The following MYLIP variants were observed in gnomAD, a reference collection of about 807,000 sequenced individuals.
MYLIP encodes the protein E3 ubiquitin-protein ligase MYLIP.
A neutral mutation model predicts 45.8 loss-of-function variants in MYLIP; 26 were observed. That is an observed-to-expected ratio of 0.57 (90% confidence interval 0.42 to 0.79). The LOEUF (loss-of-function observed/expected upper bound fraction) is 0.79. Ranked by LOEUF, MYLIP falls within the 30% of genes least tolerant of loss-of-function variation. The pLI is 0.00. For missense variants in MYLIP, 494 were observed against 555.6 expected (o/e 0.89, Z 1.11); for synonymous variants, 213 against 218.1 (o/e 0.98, Z 0.21).
At chr6:16,132,397 T>G (rs1248032921) in intron 2 of MYLIP, among the ~76,000 whole-genome samples, 2 of 152,186 alleles carry the variant, frequency 1.3e-5, no homozygotes, top group Admixed American at 6.5e-5. Context: ...CCTGTCTTGG[T>G]CTCTCCTTTA....
At chr6:16,139,343 G>A (rs887844552) in intron 2 of MYLIP, among the ~76,000 whole-genome samples, 39 of 150,756 alleles carry the variant, frequency 2.6e-4, no homozygotes, top group African/African-American at 8.5e-4. Context: ...AGCCCAGATC[G>A]TGCCATAGCA....
At chr6:16,134,587 T>C (rs954361916) in intron 2 of MYLIP, among the ~76,000 whole-genome samples, 5 of 152,220 alleles carry the variant, frequency 3.3e-5, no homozygotes, top group South Asian at 2.1e-4. Context: ...AGTTATAGCA[T>C]CACTTTAACT....
chr6:16,144,627 C>T (rs183311610), intron 5 of MYLIP, among the ~76,000 whole-genome samples: 4 of 152,246 alleles, frequency 2.6e-5, no homozygotes, highest in Non-Finnish European at 4.4e-5. Context: ...AGCAACTTCA[C>T]TCAGTAGCGT....
chr6:16,150,708 G>A (rs560421218), downstream of MYLIP, among the ~76,000 whole-genome samples: 5 of 152,324 alleles, frequency 3.3e-5, no homozygotes, highest in South Asian at 1.0e-3. Context: ...GAACACTGGA[G>A]AAACTGAAGA....
Position 16,129,768 on chromosome 6 carries a change from G to GC in MYLIP, c.87+360dup, listed in dbSNP as rs1354773554. 6.6e-6 allele frequency among the ~76,000 whole-genome samples: 1 copy of GC among 152,236 alleles called. No homozygotes were observed. The highest frequency in any genetic ancestry group is 2.4e-5 in the African/African-American group (1 of 41,472). ...GCGTGATGCCGCCTGTCGGGTCCCCGCGGCGCCTGGCAGTGCCACCCGCGT... is the reference window on the plus strand; with the variant it reads ...GCGTGATGCCGCCTGTCGGGTCCCCGCCGGCGCCTGGCAGTGCCACCCGCGT... On this transcript the variant is annotated intron_variant, in intron 1 of 6. Coordinates refer to ENST00000356840, the MANE Select transcript of MYLIP (RefSeq NM_013262.4). The surrounding 1 kb of genome is among the most constrained non-coding windows in gnomAD (Gnocchi z 5.1).
At chr6:16,151,058 T>C (rs193106839), downstream of MYLIP, among the ~76,000 whole-genome samples, 17 of 151,832 alleles carry the variant, frequency 1.1e-4, no homozygotes, top group East Asian at 2.7e-3. Context: ...TCCAAACACA[T>C]GCATTAGAAA....
At chr6:16,149,679 A>C (rs1759854662), downstream of MYLIP, among the ~76,000 whole-genome samples, 1 of 152,224 alleles carries the variant, frequency 6.6e-6, no homozygotes, top group Admixed American at 6.5e-5. Context: ...ACGGGGTAGC[A>C]ATCAGATCTG....
chr6:16,152,667 T>C (rs1759891728), downstream of MYLIP, among the ~76,000 whole-genome samples: 1 of 152,208 alleles, frequency 6.6e-6, no homozygotes, highest in Admixed American at 6.5e-5. Context: ...TGTAAACTAA[T>C]AATTCCACTC....
the MYLIP span, chr6:16,163,758 T>C: frequency 6.6e-6 from 1 of 152,242 alleles, no homozygotes; most frequent in Admixed American, 6.5e-5. Context: ...AAAATCAACA[T>C]TGTCCATTGA....
At chr6:16,131,212 A>G (rs1429600546) in intron 2 of MYLIP, among the ~76,000 whole-genome samples, 1 of 152,148 alleles carries the variant, frequency 6.6e-6, no homozygotes, top group African/African-American at 2.4e-5. Context: ...TCTTCAGCCT[A>G]GTGTCAGATT....
At chr6:16,130,167 TCCAAATGG>T (rs1759428848) in intron 1 of MYLIP, among the ~76,000 whole-genome samples, 1 of 152,080 alleles carries the variant, frequency 6.6e-6, no homozygotes, top group African/African-American at 2.4e-5. Context: ...ATTTTTGGAG[TCCAAATGG>T]TTAAAATTGC....
chr6:16,141,223 T>G (rs1218154359), intron 2 of MYLIP, among the ~76,000 whole-genome samples: 2 of 152,216 alleles, frequency 1.3e-5, no homozygotes, highest in Admixed American at 6.5e-5. Flanking sequence ...GGGTATCATT[T>G]GAATAAAGGT....
At chr6:16,154,666 CTT>C in the MYLIP span, among the ~76,000 whole-genome samples, 3 of 152,162 alleles carry the variant, frequency 2.0e-5, no homozygotes, top group African/African-American at 7.2e-5. Context: ...CACTTGTTCT[CTT>C]TGTTTTTGTT....
chr6:16,129,506 C>A lies in MYLIP; in HGVS notation c.87+97C>A. 1 of 1,224,126 alleles carries A rather than the reference C, an allele frequency of 8.2e-7. No homozygotes were observed. Among genetic ancestry groups the A allele is most frequent in the Non-Finnish European group, 1.1e-6 (1 of 884,272 alleles). The allele number at this position is 1,224,126 out of a possible 1,614,324, so 75.8% of individuals were successfully genotyped here. The stretch of plus-strand genomic sequence containing the variant: ...ACTCTGGCGCGCCCCCTACTAGGGG[C>A]CGGGAGGCACTGCGGCGGCAGCCGG... On this transcript the variant is annotated intron_variant, in intron 1 of 6. Transcript: ENST00000356840. The surrounding 1 kb of genome is among the most constrained non-coding windows in gnomAD (Gnocchi z 5.1).
chr6:16,145,405 TGCACAGAC>T, intron 6 of MYLIP, 88 bp downstream of exon 6: 2 of 1,429,434 alleles, frequency 1.4e-6, no homozygotes, highest in Non-Finnish European at 1.9e-6. Context: ...GGCTCGCTAA[TGCACAGAC>T]GGGGAATGCC....
intron 6 of MYLIP, 44 bp downstream of exon 6, chr6:16,145,361 C>G: frequency 3.9e-6 from 6 of 1,534,332 alleles, no homozygotes; most frequent in Non-Finnish European, 5.3e-6. Context: ...CCTCACCTAT[C>G]CCTCCTCTTA....
At chr6:16,136,282 T>G (rs891172782) in intron 2 of MYLIP, among the ~76,000 whole-genome samples, 2 of 151,358 alleles carry the variant, frequency 1.3e-5, no homozygotes, top group Non-Finnish European at 2.9e-5. Context: ...CATGTGTTCT[T>G]CTACCAGAGA....
At position 16,129,827 on chromosome 6, in the gene MYLIP, C is replaced by T. The variant is rs185139864; in HGVS notation, c.87+418C>T. On this transcript the variant is annotated intron_variant, in intron 1 of 6. Coordinates refer to ENST00000356840, the MANE Select transcript of MYLIP (RefSeq NM_013262.4). The surrounding 1 kb of genome is among the most constrained non-coding windows in gnomAD (Gnocchi z 5.1). ...GGGATGGAGTGGCTCGAAGCAGTCTCGGGCCCCAGGGGTTCTTGGCAGACA... is the reference window on the plus strand; with the variant it reads ...GGGATGGAGTGGCTCGAAGCAGTCTTGGGCCCCAGGGGTTCTTGGCAGACA... 5.1e-3 allele frequency among the ~76,000 whole-genome samples: 783 copies of T among 152,328 alleles called. 11 individuals are homozygous for T. The highest frequency in any genetic ancestry group is 0.018 in the African/African-American group (742 of 41,582).
chr6:16,141,249 A>G (rs1021473210), intron 2 of MYLIP, among the ~76,000 whole-genome samples: 3 of 152,196 alleles, frequency 2.0e-5, no homozygotes, highest in Non-Finnish European at 1.5e-5. Flanking sequence ...TTTTGTCTTT[A>G]TGTATAGAGT....
Sources: allele counts gnomAD v4.1 joint callset (sites outside exome capture counted in the v4.1 genomes callset), GRCh38; gene constraint gnomAD v4.1.1; non-coding constraint Gnocchi (gnomAD v3.1); transcripts MANE v1.5; gene names NCBI Gene and HGNC (gene_info 2026-07-23, HGNC 2026-07-21).